The following MAGI1 variants were observed in gnomAD, a reference collection of about 807,000 sequenced individuals.
MAGI1 encodes membrane associated guanylate kinase, WW and PDZ domain containing 1.
A neutral mutation model predicts 139.9 loss-of-function variants in MAGI1; 58 were observed. The ratio of observed to expected loss-of-function variants is 0.41; its 90% CI spans 0.34 to 0.52. MAGI1 has a LOEUF of 0.52. Among genes scored for constraint, MAGI1 ranks in the 20% least tolerant of loss-of-function variants. The pLI, the probability that MAGI1 is intolerant of heterozygous loss-of-function variation, is 0.12. For missense variants in MAGI1, 1,874 were observed against 1,901.6 expected (o/e 0.99, Z 0.27); for synonymous variants, 812 against 737.9 (o/e 1.10, Z -1.63).
At chr3:65,972,073 C>A (rs991748519) in intron 1 of MAGI1, among the ~76,000 whole-genome samples, 1 of 152,158 alleles carries the variant, frequency 6.6e-6, no homozygotes, top group Non-Finnish European at 1.5e-5. Context: ...TGCTCAGGCC[C>A]ACCTTCCTCC....
chr3:65,631,541 T>C (rs2107157104), intron 1 of MAGI1, among the ~76,000 whole-genome samples: 1 of 152,312 alleles, frequency 6.6e-6, no homozygotes, highest in South Asian at 2.1e-4. Flanking sequence ...ATCTGTGTAC[T>C]TCTGATTATC....
In MAGI1 at chr3:65,843,835, G is replaced by C. The variant is rs559671828; in HGVS notation, c.313+194161C>G. 1.6e-5 allele frequency: 3 copies of C among 193,396 alleles called. No individual in the cohort carries two copies. The South Asian group carries it at 3.1e-4, about 20-fold the overall frequency. The allele number at this position is 193,396 out of a possible 1,614,324, so 12.0% of individuals were successfully genotyped here. A position where few individuals can be genotyped will look rare whatever the true frequency, so the allele number is the denominator to read the frequency against. ...GTCTCAGCAAAGCTCTGAGAGAAGA[G>C]AGTTTTATGGTCAAAAATGTTTGGG... On this transcript the variant is annotated intron_variant, in intron 1 of 22. Coordinates refer to ENST00000402939, the MANE Select transcript of MAGI1 (RefSeq NM_001033057.2).
chr3:65,553,300 T>C (rs1054483110), intron 2 of MAGI1, among the ~76,000 whole-genome samples: 2 of 152,198 alleles, frequency 1.3e-5, no homozygotes, highest in Non-Finnish European at 2.9e-5. Flanking sequence ...CCAGAACTTA[T>C]ATTCTCTGTG....
chr3:65,928,330 T>C (rs545191222), intron 1 of MAGI1, among the ~76,000 whole-genome samples: 1 of 152,326 alleles, frequency 6.6e-6, no homozygotes, highest in Admixed American at 6.5e-5. Context: ...CCAGAGCTGG[T>C]TCTTAACCAT....
chr3:65,971,185 G>A (rs1183354118), intron 1 of MAGI1, among the ~76,000 whole-genome samples: 1 of 152,236 alleles, frequency 6.6e-6, no homozygotes, highest in East Asian at 1.9e-4. Flanking sequence ...CCTGGAAACA[G>A]AGCGAGACTC....
chr3:65,776,892 C>G (rs1381352138), intron 1 of MAGI1, among the ~76,000 whole-genome samples: 2 of 152,140 alleles, frequency 1.3e-5, no homozygotes, highest in Non-Finnish European at 1.5e-5. Flanking sequence ...TCATTCATAC[C>G]CTGGTTATGT....
intron 1 of MAGI1, among the ~76,000 whole-genome samples, chr3:65,982,532 T>C (rs1439937469): frequency 6.6e-6 from 1 of 152,160 alleles, no homozygotes; most frequent in Non-Finnish European, 1.5e-5. Flanking sequence ...AAAATGATGG[T>C]ATATTTTAAA....
intron 2 of MAGI1, among the ~76,000 whole-genome samples, chr3:65,513,573 T>G (rs1439435333): frequency 0.016 from 1,038 of 66,386 alleles, no homozygotes; most frequent in African/African-American, 0.062. Flanking sequence ...TCAAAGAGAA[T>G]AAAATACCTA....
intron 1 of MAGI1, among the ~76,000 whole-genome samples, chr3:65,691,653 T>G (rs142318666): frequency 6.6e-6 from 1 of 152,272 alleles, no homozygotes; most frequent in East Asian, 1.9e-4. Flanking sequence ...ACTGCTGTAT[T>G]GAGAAAAATG....
intron 1 of MAGI1, among the ~76,000 whole-genome samples, chr3:65,686,640 C>T (rs1032767441): frequency 2.6e-5 from 4 of 152,098 alleles, no homozygotes; most frequent in Non-Finnish European, 5.9e-5. Context: ...GTTGCAGCAA[C>T]TGGACACCAA....
intron 1 of MAGI1, among the ~76,000 whole-genome samples, chr3:65,709,043 A>G (rs2030898379): frequency 6.6e-6 from 1 of 152,232 alleles, no homozygotes; most frequent in South Asian, 2.1e-4. Flanking sequence ...CAGAAGAGGG[A>G]CAAGCCTGCA....
intron 2 of MAGI1, among the ~76,000 whole-genome samples, chr3:65,616,134 T>C (rs967735268): frequency 6.6e-6 from 1 of 152,112 alleles, no homozygotes; most frequent in Non-Finnish European, 1.5e-5. Context: ...TAAGAAACAT[T>C]CACTTCTTTG....
intron 1 of MAGI1, among the ~76,000 whole-genome samples, chr3:65,948,882 T>C (rs1354121686): frequency 3.3e-5 from 5 of 152,234 alleles, no homozygotes; most frequent in Admixed American, 3.3e-4. Flanking sequence ...CCATGAATTA[T>C]GCAGTTCAAT....
chr3:65,656,496 T>C (rs1259795066), intron 1 of MAGI1, among the ~76,000 whole-genome samples: 1 of 152,142 alleles, frequency 6.6e-6, no homozygotes, highest in African/African-American at 2.4e-5. Flanking sequence ...TTCTAAACAT[T>C]ATGCAAGTAA....
chr3:65,559,099 T>A (rs62253362), intron 2 of MAGI1, among the ~76,000 whole-genome samples: 8 of 152,190 alleles, frequency 5.3e-5, no homozygotes, highest in Non-Finnish European at 1.2e-4. Flanking sequence ...ACAAAAGAAT[T>A]CTTCTTGGAG....
chr3:66,033,558 TGA>T (rs1415519373), intron 1 of MAGI1, among the ~76,000 whole-genome samples: 1 of 152,132 alleles, frequency 6.6e-6, no homozygotes, highest in Non-Finnish European at 1.5e-5. Context: ...TGTTTTAAAA[TGA>T]GAGTTATTGT....
intron 12 of MAGI1, among the ~76,000 whole-genome samples, chr3:65,408,017 T>A (rs529416139): frequency 1.1e-4 from 16 of 152,194 alleles, no homozygotes; most frequent in African/African-American, 3.9e-4. Context: ...ACAAAGCTGT[T>A]ATAGCCCCTC....
intron 2 of MAGI1, among the ~76,000 whole-genome samples, chr3:65,497,220 T>C (rs1429258087): frequency 6.6e-6 from 1 of 152,050 alleles, no homozygotes; most frequent in Non-Finnish European, 1.5e-5. Flanking sequence ...GACAGAAAGA[T>C]AAAATCTACA....
In MAGI1 at chr3:65,783,397, C is replaced by T. The variant is rs58242793; in HGVS notation, c.314-161309G>A. Among the ~76,000 whole-genome samples the T allele has an allele frequency of 8.0e-3, 1,219 of 152,064 alleles. 15 individuals carry two copies. The highest frequency in any genetic ancestry group is 0.028 in the African/African-American group (1,145 of 41,478). ...GGCACAGGGGCTCACGCCTGTAATC[C>T]GAACACTTTGAGAGGGCAGGTGGGA... On this transcript the variant is annotated intron_variant, in intron 1 of 22. Coordinates refer to ENST00000402939, the MANE Select transcript of MAGI1 (RefSeq NM_001033057.2).
Sources: gnomAD v4.1 joint callset for allele counts (sites outside exome capture counted in the v4.1 genomes callset) on GRCh38, gnomAD v4.1.1 for gene constraint, MANE v1.5 for transcripts, NCBI Gene and HGNC (gene_info 2026-07-23, HGNC 2026-07-21) for gene names.